Variants in CNTNAP4 observed in about 807,000 individuals in gnomAD.
CNTNAP4 encodes the protein contactin-associated protein-like 4.
A neutral mutation model predicts 148.4 loss-of-function variants in CNTNAP4; 98 were observed. The ratio of observed to expected loss-of-function variants is 0.66; its 90% CI spans 0.56 to 0.78. CNTNAP4 has a LOEUF of 0.78. CNTNAP4 is among the 30% of genes least tolerant of loss of function. The pLI is 0.00. For missense variants in CNTNAP4, 1,935 were observed against 1,565.6 expected, an observed-to-expected ratio of 1.24 and a Z score of -3.98; for synonymous variants, 730 against 565.1, an observed-to-expected ratio of 1.29 and a Z score of -4.14.
chr16:76,469,766 G>A (rs1424670573), intron 10 of CNTNAP4, among the ~76,000 whole-genome samples: 5 of 152,276 alleles, frequency 3.3e-5, no homozygotes, highest in Non-Finnish European at 7.4e-5. Context: ...GATAGATCTT[G>A]ACTATACATG....
At chr16:76,392,127 G>A (rs1049488479) in intron 3 of CNTNAP4, among the ~76,000 whole-genome samples, 1 of 152,106 alleles carries the variant, frequency 6.6e-6, no homozygotes, top group African/African-American at 2.4e-5. Flanking sequence ...CCAAGAAGCT[G>A]GGATTACAGG....
At chr16:76,345,192 T>C (rs1964802497) in intron 2 of CNTNAP4, among the ~76,000 whole-genome samples, 1 of 152,188 alleles carries the variant, frequency 6.6e-6, no homozygotes, top group African/African-American at 2.4e-5. Context: ...GCAGCAGTTG[T>C]GTAATAGCCT....
At chr16:76,377,217 GCTTTA>G (rs1270914235) in intron 3 of CNTNAP4, among the ~76,000 whole-genome samples, 3 of 151,940 alleles carry the variant, frequency 2.0e-5, no homozygotes, top group African/African-American at 7.3e-5. Flanking sequence ...AAGATAATTT[GCTTTA>G]CTTAGTGTCT....
At chr16:76,515,198 G>A (rs2083198921) in intron 15 of CNTNAP4, among the ~76,000 whole-genome samples, 1 of 152,086 alleles carries the variant, frequency 6.6e-6, no homozygotes. Context: ...ATCTGAGAAA[G>A]GACTAGTATA....
chr16:76,430,045 C>T (rs1300125263), intron 4 of CNTNAP4, among the ~76,000 whole-genome samples: 16 of 152,078 alleles, frequency 1.1e-4, no homozygotes, highest in Admixed American at 7.2e-4. Context: ...ATGGGTTGGG[C>T]ATGAGTACCT....
At chr16:76,343,971 G>T (rs868838579) in intron 2 of CNTNAP4, among the ~76,000 whole-genome samples, 3 of 152,162 alleles carry the variant, frequency 2.0e-5, no homozygotes, top group Non-Finnish European at 4.4e-5. Context: ...GAACTAGCCA[G>T]GGTGCACGGA....
chr16:76,519,198 G>C (rs1446980560), intron 15 of CNTNAP4, among the ~76,000 whole-genome samples: 2 of 151,992 alleles, frequency 1.3e-5, no homozygotes, highest in Admixed American at 6.6e-5. Flanking sequence ...TCTACCTTTT[G>C]TGAACGTATA....
At chr16:76,464,438 G>T (rs2081102019) in intron 9 of CNTNAP4, among the ~76,000 whole-genome samples, 1 of 152,154 alleles carries the variant, frequency 6.6e-6, no homozygotes, top group Admixed American at 6.5e-5. Flanking sequence ...CCTTCCCCCA[G>T]TCCTGGGGAA....
intron 17 of CNTNAP4, among the ~76,000 whole-genome samples, chr16:76,532,717 C>T (rs1298397128): frequency 2.0e-5 from 3 of 152,024 alleles, no homozygotes; most frequent in Non-Finnish European, 2.9e-5. Flanking sequence ...AAGTGAAAAC[C>T]AAGATGTGAG....
intron 4 of CNTNAP4, among the ~76,000 whole-genome samples, chr16:76,438,405 C>A (rs1451080224): frequency 1.3e-5 from 2 of 152,038 alleles, no homozygotes; most frequent in African/African-American, 4.8e-5. Flanking sequence ...TTGTTAAACA[C>A]CTTGGAGTTT....
intron 4 of CNTNAP4, among the ~76,000 whole-genome samples, chr16:76,438,612 G>A (rs1329186054): frequency 1.3e-5 from 2 of 151,996 alleles, no homozygotes; most frequent in East Asian, 3.9e-4. Context: ...GGGTCTAGGT[G>A]ATCAGCCAGT....
chr16:76,493,235 T>C (rs899844211), intron 13 of CNTNAP4, among the ~76,000 whole-genome samples: 2 of 152,092 alleles, frequency 1.3e-5, no homozygotes, highest in African/African-American at 4.8e-5. Flanking sequence ...CAGATCTTGG[T>C]GATTTAGTGT....
chr16:76,478,320 G>T (rs754933642), intron 11 of CNTNAP4, among the ~76,000 whole-genome samples: 3 of 152,016 alleles, frequency 2.0e-5, no homozygotes, highest in East Asian at 3.9e-4. Flanking sequence ...TCATTTTTAC[G>T]TACTCTCTTC....
At chr16:76,476,541 T>C (rs761984516) in intron 11 of CNTNAP4, among the ~76,000 whole-genome samples, 1 of 152,184 alleles carries the variant, frequency 6.6e-6, no homozygotes, top group Non-Finnish European at 1.5e-5. Context: ...CATAATGCCA[T>C]AGCCTAGGTG....
intron 21 of CNTNAP4, among the ~76,000 whole-genome samples, chr16:76,542,052 A>C (rs1477468500): frequency 2.0e-5 from 3 of 152,172 alleles, no homozygotes; most frequent in Non-Finnish European, 2.9e-5. Flanking sequence ...CGTTGATTCA[A>C]GTCTTGTCCT....
chr16:76,313,177 T>C (rs1308445336), intron 1 of CNTNAP4, among the ~76,000 whole-genome samples: 3 of 152,190 alleles, frequency 2.0e-5, no homozygotes, highest in African/African-American at 7.2e-5. Context: ...CAATATTGAT[T>C]CTTAATTTAT....
intron 3 of CNTNAP4, among the ~76,000 whole-genome samples, chr16:76,399,504 C>T (rs1359196208): frequency 6.6e-6 from 1 of 152,092 alleles, no homozygotes; most frequent in Middle Eastern, 3.2e-3. Flanking sequence ...TATCAGAATT[C>T]AGTTTGGGGA....
chr16:76,408,841 A>AGC lies in CNTNAP4; in HGVS notation c.391-18611_391-18610insGC, dbSNP rs202189255. On this transcript the variant is annotated intron_variant, in intron 3 of 23. Transcript: ENST00000611870. Reference sequence around the variant, plus strand: ...TATTGATTTCAGAGTCCATTCTCTGAACATGTTCTCTGTGTAGTTTTACCT... The same window carrying AGC: ...TATTGATTTCAGAGTCCATTCTCTGAGCACATGTTCTCTGTGTAGTTTTACCT... Among the ~76,000 whole-genome samples, 799 of 152,148 alleles carry AGC rather than the reference A, an allele frequency of 5.3e-3. 23 individuals carry two copies. The highest frequency in any genetic ancestry group is 0.044 in the Admixed American group (667 of 15,246).
At chr16:76,497,839 T>A (rs2082456685) in intron 14 of CNTNAP4, among the ~76,000 whole-genome samples, 1 of 151,574 alleles carries the variant, frequency 6.6e-6, no homozygotes, top group Admixed American at 6.6e-5. Flanking sequence ...ACTTAAAGTA[T>A]AATAAAATAA....
Sources: allele counts gnomAD v4.1 joint callset (sites outside exome capture counted in the v4.1 genomes callset), GRCh38; gene constraint gnomAD v4.1.1; transcripts MANE v1.5; gene names NCBI Gene and HGNC (gene_info 2026-07-23, HGNC 2026-07-21).